TFEC: variants seen among roughly 807,000 people sequenced by gnomAD.
TFEC encodes the protein transcription factor EC.
TFEC carries 31 observed loss-of-function variants against 41.6 expected under a neutral mutation model. The observed-to-expected ratio is 0.74, with a 90% confidence interval of 0.56 to 1.01. The LOEUF is 1.01. Ranked by LOEUF, TFEC falls within the 50% of genes least tolerant of loss-of-function variation. TFEC has a pLI of 0.00. For missense variants in TFEC, 402 were observed against 404.1 expected, an observed-to-expected ratio of 0.99 and a Z score of 0.04; for synonymous variants, 143 against 140.6, an observed-to-expected ratio of 1.02 and a Z score of -0.12.
At chr7:116,050,481 G>T (rs574644823) in intron 3 of TFEC, among the ~76,000 whole-genome samples, 3 of 152,174 alleles carry the variant, frequency 2.0e-5, no homozygotes, top group African/African-American at 7.2e-5. Context: ...CAAAAAGTGG[G>T]TGAAGGATAT....
At chr7:116,141,676 T>A (rs1798544316) in intron 1 of TFEC, among the ~76,000 whole-genome samples, 1 of 152,148 alleles carries the variant, frequency 6.6e-6, no homozygotes, top group African/African-American at 2.4e-5. Context: ...GGCCACCATA[T>A]CCCATGAGGA....
intron 3 of TFEC, among the ~76,000 whole-genome samples, chr7:116,047,072 A>G (rs62475169): frequency 0.24 from 36,561 of 152,186 alleles, 4,552 homozygotes; most frequent in East Asian, 0.39. Flanking sequence ...GAATAGGAAC[A>G]GCTCCAGTCT....
chr7:116,006,846 T>G (rs912867777), intron 1 of TFEC, among the ~76,000 whole-genome samples: 3 of 152,090 alleles, frequency 2.0e-5, no homozygotes, highest in African/African-American at 7.2e-5. Context: ...GGGCAGGTCT[T>G]TCCTATGCTG....
intron 1 of TFEC, among the ~76,000 whole-genome samples, chr7:116,115,292 G>A (rs953188704): frequency 1.7e-4 from 26 of 151,916 alleles, no homozygotes; most frequent in African/African-American, 5.6e-4. Flanking sequence ...CAAAAACTTC[G>A]TGGCTTCAAA....
chr7:115,975,713 G>A (rs1344364098), intron 2 of TFEC, among the ~76,000 whole-genome samples: 1 of 152,114 alleles, frequency 6.6e-6, no homozygotes, highest in Non-Finnish European at 1.5e-5. Context: ...ACGGCTTGAT[G>A]AAAATGGTTG....
intron 3 of TFEC, 151 bp downstream of exon 3, chr7:115,974,019 T>C: frequency 1.7e-6 from 1 of 580,684 alleles, no homozygotes. Flanking sequence ...TAACCTTTTT[T>C]TCTGCACCAA....
At chr7:115,941,745 C>T (rs1397801719) in intron 7 of TFEC, 148 bp downstream of exon 7, 1 of 1,041,740 alleles carries the variant, frequency 9.6e-7, no homozygotes, top group African/African-American at 1.6e-5. Context: ...CAACCCAATT[C>T]ACGAACTTCT....
At chr7:116,095,807 C>G (rs1797440588) in intron 3 of TFEC, among the ~76,000 whole-genome samples, 1 of 151,940 alleles carries the variant, frequency 6.6e-6, no homozygotes, top group South Asian at 2.1e-4. Flanking sequence ...TTGCTTTGCC[C>G]TCTATCATAT....
intron 3 of TFEC, among the ~76,000 whole-genome samples, chr7:116,095,405 T>C (rs1200749953): frequency 6.6e-6 from 1 of 152,164 alleles, no homozygotes; most frequent in Non-Finnish European, 1.5e-5. Context: ...AGCATGCATG[T>C]GTGGACACAT....
chr7:116,091,132 T>A (rs1345452887), intron 3 of TFEC, among the ~76,000 whole-genome samples: 5 of 152,076 alleles, frequency 3.3e-5, no homozygotes, highest in East Asian at 1.9e-4. Flanking sequence ...GAAAAAAAAA[T>A]TATGCTAGAG....
chr7:116,138,905 C>A (rs1043721112), intron 1 of TFEC, among the ~76,000 whole-genome samples: 5 of 152,180 alleles, frequency 3.3e-5, no homozygotes, highest in African/African-American at 1.2e-4. Flanking sequence ...ACCTCTGTAA[C>A]AAAGGCTACG....
intron 1 of TFEC, among the ~76,000 whole-genome samples, chr7:116,018,014 A>C (rs926737332): frequency 6.6e-6 from 1 of 152,046 alleles, no homozygotes; most frequent in African/African-American, 2.4e-5. Flanking sequence ...AATATTAATT[A>C]AATGAACAAA....
intron 1 of TFEC, among the ~76,000 whole-genome samples, chr7:115,998,984 C>G (rs572185353): frequency 1.3e-5 from 2 of 152,054 alleles, no homozygotes; most frequent in African/African-American, 4.8e-5. Flanking sequence ...ACCAAATAAA[C>G]CTAATAGATA....
chr7:116,042,135 T>C (rs550492451), intron 3 of TFEC, among the ~76,000 whole-genome samples: 1 of 152,216 alleles, frequency 6.6e-6, no homozygotes, highest in Non-Finnish European at 1.5e-5. Context: ...TCACAGAGTA[T>C]AGATGGAAAA....
chr7:115,936,293 A>G lies in TFEC; in HGVS notation c.*4258T>C, dbSNP rs772685496. On this transcript the variant is annotated 3_prime_UTR_variant, in exon 8 of 8. Coordinates refer to ENST00000265440, the MANE Select transcript of TFEC (RefSeq NM_012252.4). ...AAGTCAAACTGACATACTTATCAAC[A>G]TATAGGGCACTGGAGGGATAAATGA... The G allele has an allele frequency of 3.3e-5, 5 of 151,678 alleles. No homozygotes were observed. The highest frequency in any genetic ancestry group is 5.9e-5 in the Non-Finnish European group (4 of 67,628). 9.4% of individuals were successfully genotyped at this position (151,678 alleles called of 1,614,324 possible).
intron 3 of TFEC, among the ~76,000 whole-genome samples, chr7:116,090,089 A>T (rs55991112): frequency 1.3e-5 from 2 of 152,098 alleles, no homozygotes; most frequent in Admixed American, 1.3e-4. Context: ...CCTAAGTAAC[A>T]AAAGGACAAG....
chr7:116,118,464 C>A (rs1798039239), intron 1 of TFEC, among the ~76,000 whole-genome samples: 1 of 151,684 alleles, frequency 6.6e-6, no homozygotes, highest in Admixed American at 6.6e-5. Context: ...AAAGCTAAAA[C>A]CATTTCTTTT....
At chr7:116,042,549 C>T (rs1051513925) in intron 3 of TFEC, among the ~76,000 whole-genome samples, 11 of 152,098 alleles carry the variant, frequency 7.2e-5, no homozygotes, top group African/African-American at 2.7e-4. Context: ...AATAGTTTAT[C>T]CCTACAGGAA....
chr7:116,017,752 T>C (rs535272359), intron 1 of TFEC, among the ~76,000 whole-genome samples: 163 of 152,308 alleles, frequency 1.1e-3, no homozygotes, highest in Non-Finnish European at 2.0e-3. Flanking sequence ...TTTCTTGGGT[T>C]CTACAAAAGC....
Sources: gnomAD v4.1 joint callset for allele counts (sites outside exome capture counted in the v4.1 genomes callset) on GRCh38, gnomAD v4.1.1 for gene constraint, MANE v1.5 for transcripts, NCBI Gene and HGNC (gene_info 2026-07-23, HGNC 2026-07-21) for gene names.